ZNF710: variants seen among roughly 807,000 people sequenced by gnomAD.
ZNF710 encodes the protein zinc finger protein 710.
In ZNF710, 13 loss-of-function variants were observed where a neutral mutation model predicts 50.6. That is an observed-to-expected ratio of 0.26 (90% CI 0.17 to 0.41). The LOEUF is 0.41. ZNF710 is among the 10% of genes least tolerant of loss of function. ZNF710 has a pLI of 1.00. For synonymous variants in ZNF710, 383 were observed against 397.0 expected, an observed-to-expected ratio of 0.96 and a Z score of 0.42; for missense variants, 721 against 936.6, an observed-to-expected ratio of 0.77 and a Z score of 3.01.
upstream of ZNF710, among the ~76,000 whole-genome samples, chr15:90,000,913 C>G (rs1001569435): frequency 2.6e-5 from 4 of 151,984 alleles, no homozygotes; most frequent in African/African-American, 9.7e-5. Flanking sequence ...CAGGGCCGGG[C>G]CCCCCATTTC....
chr15:90,075,575 A>G (rs951530168), intron 4 of ZNF710: 2 of 152,142 alleles, frequency 1.3e-5, no homozygotes, highest in Non-Finnish European at 2.9e-5. Context: ...AGCTGGGAAC[A>G]TGCTTTGGCA....
chr15:90,057,488 G>C (rs969728074), intron 1 of ZNF710, among the ~76,000 whole-genome samples: 38 of 152,044 alleles, frequency 2.5e-4, no homozygotes, highest in African/African-American at 8.5e-4. Flanking sequence ...TTGAGCCCAG[G>C]AGTTTGAGAC....
intron 1 of ZNF710, among the ~76,000 whole-genome samples, chr15:90,007,090 C>T (rs931948463): frequency 6.6e-6 from 1 of 152,110 alleles, no homozygotes; most frequent in Admixed American, 6.5e-5. Context: ...GCTGAACCAT[C>T]AGAGCTTTTG....
chr15:90,074,407 T>G (rs1596064866), intron 4 of ZNF710, 117 bp downstream of exon 4: 5 of 1,558,704 alleles, frequency 3.2e-6, no homozygotes, highest in Non-Finnish European at 4.3e-6. Context: ...TTCGTTGGGG[T>G]GGGCTCAGGT....
chr15:90,013,746 C>T (rs1362958362), intron 1 of ZNF710, among the ~76,000 whole-genome samples: 1 of 152,180 alleles, frequency 6.6e-6, no homozygotes, highest in African/African-American at 2.4e-5. Flanking sequence ...CAAATGCCTT[C>T]TCTCGATTTT....
intron 1 of ZNF710, among the ~76,000 whole-genome samples, chr15:90,042,228 C>G (rs1355946589): frequency 6.6e-6 from 1 of 152,078 alleles, no homozygotes; most frequent in Non-Finnish European, 1.5e-5. Flanking sequence ...CATGCCCCCC[C>G]TTCTCTCCAG....
chr15:90,040,760 C>G lies in ZNF710; in HGVS notation c.-28-26350C>G, dbSNP rs939506718. On this transcript the variant is annotated intron_variant, in intron 1 of 4. Transcript: ENST00000268154. This position sits in a 1 kb window ranked among gnomAD's most constrained non-coding sequence, Gnocchi z 4.6. ...TAACCATTTGCAAACTGCTTACTTC[C>G]TCCTTCCTGTTATTTACGTCCATGT... 3.9e-5 allele frequency among the ~76,000 whole-genome samples: 6 copies of G among 152,202 alleles called. No individual in the cohort carries two copies. Among genetic ancestry groups the G allele is most frequent in the African/African-American group, 1.4e-4 (6 of 41,442 alleles).
chr15:90,019,169 T>C (rs1245024399), intron 1 of ZNF710, among the ~76,000 whole-genome samples: 1 of 148,574 alleles, frequency 6.7e-6, no homozygotes, highest in East Asian at 2.0e-4. Context: ...GTTTGTACCA[T>C]CTTATTACTT....
chr15:90,011,328 C>T (rs370877798), intron 1 of ZNF710, among the ~76,000 whole-genome samples: 8 of 152,230 alleles, frequency 5.3e-5, no homozygotes, highest in African/African-American at 1.4e-4. Context: ...AGGCTGGTCT[C>T]GAACTCCTGG....
intron 1 of ZNF710, among the ~76,000 whole-genome samples, chr15:90,060,171 A>G (rs1405392980): frequency 6.6e-6 from 1 of 150,818 alleles, no homozygotes; most frequent in African/African-American, 2.4e-5. Context: ...AGCTTACGCA[A>G]GTCAACTCCC....
In ZNF710 at chr15:90,067,177, G is replaced by T; in HGVS notation, c.40G>T (p.Val14Leu). The change falls in exon 2 of 5, where the codon GTG becomes TTG. Residue 14 changes from valine (V) to leucine (L), a missense_variant. By Grantham distance (32) the Val-to-Leu change is conservative. Transcript: ENST00000268154. This position sits in a 1 kb window ranked among gnomAD's most constrained non-coding sequence, Gnocchi z 8.1. ...GGACTCAGGGACACAGACGGACGCC[G>T]TGGTGGTGCTGTCCTTGGCTCAGGC... ...FMDSGTQTDA[V>L]VVLSLAQAAV... 2 of 1,612,190 alleles carry T rather than the reference G, an allele frequency of 1.2e-6. No homozygotes were observed. The highest frequency in any genetic ancestry group is 1.7e-6 in the Non-Finnish European group (2 of 1,178,866).
At chr15:90,004,017 C>T (rs1188721015) in intron 1 of ZNF710, among the ~76,000 whole-genome samples, 2 of 152,140 alleles carry the variant, frequency 1.3e-5, no homozygotes, top group Non-Finnish European at 2.9e-5. Flanking sequence ...GGGACGCGGG[C>T]TCACTTGCTT....
intron 1 of ZNF710, among the ~76,000 whole-genome samples, chr15:90,012,222 AAAAG>A (rs1303433240): frequency 4.6e-5 from 7 of 151,642 alleles, no homozygotes; most frequent in East Asian, 1.9e-4. Context: ...AAAAAAAAGA[AAAAG>A]AAGTTGGTAG....
At chr15:90,042,217 C>T (rs998222556) in intron 1 of ZNF710, among the ~76,000 whole-genome samples, 1 of 152,130 alleles carries the variant, frequency 6.6e-6, no homozygotes, top group East Asian at 1.9e-4. Context: ...TTTGTATTTT[C>T]CATGCCCCCC....
chr15:90,079,553 G>A (rs1449814362), intron 4 of ZNF710, 107 bp from the exon 5 acceptor site: 14 of 1,403,038 alleles, frequency 1.0e-5, no homozygotes, highest in East Asian at 9.5e-5. Flanking sequence ...CCTGGAGGCC[G>A]TGACTGGGAA....
chr15:90,030,601 AG>A (rs1281486805), intron 1 of ZNF710, among the ~76,000 whole-genome samples: 1 of 151,840 alleles, frequency 6.6e-6, no homozygotes, highest in Non-Finnish European at 1.5e-5. Flanking sequence ...CCAGTGGGGG[AG>A]GGGGCACCAA....
intron 1 of ZNF710, among the ~76,000 whole-genome samples, chr15:90,051,410 G>T (rs1423179735): frequency 6.6e-6 from 1 of 152,046 alleles, no homozygotes; most frequent in Non-Finnish European, 1.5e-5. Context: ...GAGGCGGGCG[G>T]ATCGCCTGAG....
intron 1 of ZNF710, among the ~76,000 whole-genome samples, chr15:90,004,046 C>A (rs1898079544): frequency 6.6e-6 from 1 of 152,122 alleles, no homozygotes; most frequent in Admixed American, 6.5e-5. Context: ...AGAGCTGATA[C>A]CTGGGTGAGT....
chr15:90,075,126 C>A (rs1277429412), intron 4 of ZNF710: 1 of 153,756 alleles, frequency 6.5e-6, no homozygotes, highest in Non-Finnish European at 1.4e-5. Context: ...AAGCTGTTAG[C>A]CTCTCTGGCC....
Sources: allele counts gnomAD v4.1 joint callset (sites outside exome capture counted in the v4.1 genomes callset), GRCh38; gene constraint gnomAD v4.1.1; non-coding constraint Gnocchi (gnomAD v3.1); transcripts MANE v1.5; gene names NCBI Gene and HGNC (gene_info 2026-07-23, HGNC 2026-07-21).